The following AP1S3 variants were observed in gnomAD, a reference collection of about 807,000 sequenced individuals.
AP1S3 encodes the protein adaptor related protein complex 1 subunit sigma 3.
A neutral mutation model predicts 20.9 loss-of-function variants in AP1S3; 10 were observed. The ratio of observed to expected loss-of-function variants is 0.48; its 90% CI spans 0.29 to 0.81. AP1S3 has a LOEUF of 0.81. Among genes scored for constraint, AP1S3 ranks in the 30% least tolerant of loss-of-function variants. AP1S3 has a pLI of 0.08. For missense variants in AP1S3, 154 were observed against 183.8 expected (o/e 0.84, Z 0.94); for synonymous variants, 41 against 61.5 (o/e 0.67, Z 1.56).
At chr2:223,778,182 G>A (rs1212845293) in intron 1 of AP1S3, among the ~76,000 whole-genome samples, 1 of 126,294 alleles carries the variant, frequency 7.9e-6, no homozygotes, top group African/African-American at 3.7e-5. Context: ...CTGGAGTGCA[G>A]TGGCGCGGTC....
intron 1 of AP1S3, among the ~76,000 whole-genome samples, chr2:223,824,065 C>T (rs1461262630): frequency 6.6e-6 from 1 of 152,086 alleles, no homozygotes; most frequent in Non-Finnish European, 1.5e-5. Context: ...GATCATGGCT[C>T]ACTGCAGCCT....
intron 1 of AP1S3, among the ~76,000 whole-genome samples, chr2:223,778,698 CT>C (rs548128939): frequency 1.7e-4 from 24 of 144,052 alleles, no homozygotes; most frequent in South Asian, 2.2e-4. Flanking sequence ...TAAATGTAAG[CT>C]TTTTTTTTTT....
chr2:223,822,160 T>C (rs970487016), intron 1 of AP1S3, among the ~76,000 whole-genome samples: 5 of 151,886 alleles, frequency 3.3e-5, no homozygotes, highest in African/African-American at 1.2e-4. Flanking sequence ...GAGGCTGAGA[T>C]TGGAGGACTG....
At chr2:223,821,985 A>G (rs1229875111) in intron 1 of AP1S3, among the ~76,000 whole-genome samples, 2 of 152,194 alleles carry the variant, frequency 1.3e-5, no homozygotes, top group African/African-American at 4.8e-5. Flanking sequence ...GGTCGCAGTT[A>G]TCGGCACAGC....
intron 1 of AP1S3, among the ~76,000 whole-genome samples, chr2:223,812,545 T>A (rs1691756703): frequency 6.6e-6 from 1 of 152,134 alleles, no homozygotes; most frequent in Admixed American, 6.6e-5. Context: ...TTATAAAACG[T>A]CAGAGCAGTA....
rs781576293 is a variant in AP1S3 at position 223,773,739 on chromosome 2, AAC to A, written c.291+2160_291+2161del. 3.3e-3 allele frequency among the ~76,000 whole-genome samples: 70 copies of A among 21,232 alleles called. No homozygotes were observed. The Middle Eastern group carries it at 0.068, about 21-fold the overall frequency. The allele number at this position is 21,232 out of a possible 152,430, so 13.9% of individuals were successfully genotyped here. On this transcript the variant is annotated intron_variant, in intron 3 of 4. Transcript: ENST00000396654. ...TTCCATTAAAGAGAATAACAACAAG[AAC>A]AAAAAAAAACTCTGCTGGAAGCAAA...
At chr2:223,783,616 G>A (rs377544685) in intron 1 of AP1S3, among the ~76,000 whole-genome samples, 3 of 152,194 alleles carry the variant, frequency 2.0e-5, no homozygotes, top group African/African-American at 7.2e-5. Context: ...GCCGGTGTCC[G>A]CATCTTCCTT....
intron 1 of AP1S3, among the ~76,000 whole-genome samples, chr2:223,784,389 T>A (rs893040184): frequency 6.6e-6 from 1 of 152,144 alleles, no homozygotes; most frequent in African/African-American, 2.4e-5. Flanking sequence ...CATACCTGTG[T>A]GCACAGACTT....
intron 1 of AP1S3, among the ~76,000 whole-genome samples, chr2:223,837,227 C>CGCCGCGTT (rs1559151494): frequency 6.6e-6 from 1 of 150,712 alleles, no homozygotes; most frequent in African/African-American, 2.4e-5. Context: ...GGAGCCGCGG[C>CGCCGCGTT]GCCGCGGCGC....
At position 223,756,185 on chromosome 2, in the gene AP1S3, A is replaced by G. The variant is rs7566324; in HGVS notation, c.*2530T>C. On this transcript the variant is annotated 3_prime_UTR_variant, in exon 5 of 5. Transcript: ENST00000396654. ...AAATCCCAACTCTACCAAAAATACA[A>G]AATTAGCCAGGCGTGGTGGCGCATG... The G allele has an allele frequency of 0.11, 37,605 of 334,002 alleles. 5,478 individuals are homozygous for G. The highest frequency in any genetic ancestry group is 0.44 in the African/African-American group (19,461 of 44,618). 20.7% of individuals were successfully genotyped at this position (334,002 alleles called of 1,614,324 possible). A position where few individuals can be genotyped will look rare whatever the true frequency, so the allele number is the denominator to read the frequency against.
chr2:223,835,372 C>T (rs921213168), intron 1 of AP1S3, among the ~76,000 whole-genome samples: 3 of 152,168 alleles, frequency 2.0e-5, no homozygotes, highest in African/African-American at 4.8e-5. Flanking sequence ...ATTAATGTTT[C>T]CCCGCCAGGT....
At chr2:223,796,128 G>T (rs1029485978) in intron 1 of AP1S3, among the ~76,000 whole-genome samples, 1 of 152,066 alleles carries the variant, frequency 6.6e-6, no homozygotes, top group African/African-American at 2.4e-5. Flanking sequence ...AGCCAAGATC[G>T]CATCATTGCA....
intron 1 of AP1S3, among the ~76,000 whole-genome samples, chr2:223,834,012 G>A (rs897712685): frequency 1.2e-4 from 19 of 152,056 alleles, no homozygotes; most frequent in Non-Finnish European, 2.2e-4. Context: ...GGGTTCAAGC[G>A]ATTCTCCTGC....
In AP1S3 at chr2:223,757,981, T is replaced by C; in HGVS notation, c.*734A>G. 1 of 965,070 alleles carries C rather than the reference T, an allele frequency of 1.0e-6. No homozygotes were observed. The highest frequency in any genetic ancestry group is 4.8e-5 in the South Asian group (1 of 20,856). The allele number at this position is 965,070 out of a possible 1,614,324, so 59.8% of individuals were successfully genotyped here. A position where few individuals can be genotyped will look rare whatever the true frequency, so the allele number is the denominator to read the frequency against. ...CATAGATGCTGTATCTCTAGGTCTC[T>C]ATAAACCTTAATAAATATATAGTTC... On this transcript the variant is annotated 3_prime_UTR_variant, in exon 5 of 5. Coordinates refer to ENST00000396654, the MANE Select transcript of AP1S3 (RefSeq NM_001039569.2).
chr2:223,796,970 C>T (rs1463079670), intron 1 of AP1S3, among the ~76,000 whole-genome samples: 4 of 152,092 alleles, frequency 2.6e-5, no homozygotes, highest in Non-Finnish European at 4.4e-5. Flanking sequence ...GGCCCTCTAA[C>T]GACTTTTTCT....
intron 3 of AP1S3, among the ~76,000 whole-genome samples, chr2:223,773,738 G>C (rs649370): frequency 0.22 from 6,366 of 28,928 alleles, 198 homozygotes; most frequent in East Asian, 0.54. Context: ...ATAACAACAA[G>C]AACAAAAAAA....
At chr2:223,797,167 GTC>G (rs1691357185) in intron 1 of AP1S3, among the ~76,000 whole-genome samples, 1 of 151,986 alleles carries the variant, frequency 6.6e-6, no homozygotes, top group African/African-American at 2.4e-5. Context: ...AACTTCCCTC[GTC>G]TCTCTCTCCA....
At chr2:223,795,970 C>T (rs767910399) in intron 1 of AP1S3, among the ~76,000 whole-genome samples, 2 of 152,076 alleles carry the variant, frequency 1.3e-5, no homozygotes, top group African/African-American at 2.4e-5. Flanking sequence ...GTCAAGAGAT[C>T]GAGATCAGCC....
chr2:223,764,853 T>C (rs1690438961), intron 4 of AP1S3, among the ~76,000 whole-genome samples: 1 of 152,152 alleles, frequency 6.6e-6, no homozygotes, highest in South Asian at 2.1e-4. Flanking sequence ...TGAAGGACTC[T>C]TGCACTCCAA....
Sources: allele counts gnomAD v4.1 joint callset (sites outside exome capture counted in the v4.1 genomes callset), GRCh38; gene constraint gnomAD v4.1.1; transcripts MANE v1.5; gene names NCBI Gene and HGNC (gene_info 2026-07-23, HGNC 2026-07-21).